RSF1: variants seen among roughly 807,000 people sequenced by gnomAD.
RSF1 encodes the protein remodeling and spacing factor 1.
A neutral mutation model predicts 145.2 loss-of-function variants in RSF1; 13 were observed. That is an observed-to-expected ratio of 0.09 (90% CI 0.06 to 0.14). The LOEUF (loss-of-function observed/expected upper bound fraction) is 0.14, where lower values mean the gene tolerates loss of function less well. Among genes scored for constraint, RSF1 ranks in the 10% least tolerant of loss-of-function variants. The pLI, the probability that RSF1 is intolerant of heterozygous loss-of-function variation, is 1.00. For missense variants in RSF1, 1,517 were observed against 1,718.2 expected, an observed-to-expected ratio of 0.88 and a Z score of 2.07; for synonymous variants, 577 against 592.6, an observed-to-expected ratio of 0.97 and a Z score of 0.38.
intron 5 of RSF1, among the ~76,000 whole-genome samples, chr11:77,719,441 A>C (rs1960894148): frequency 6.6e-6 from 1 of 152,212 alleles, no homozygotes; most frequent in Non-Finnish European, 1.5e-5. Flanking sequence ...CCGATTTTAG[A>C]GGACAAAAGA....
At chr11:77,792,477 G>C (rs1404526284) in intron 1 of RSF1, among the ~76,000 whole-genome samples, 1 of 152,078 alleles carries the variant, frequency 6.6e-6, no homozygotes, top group Non-Finnish European at 1.5e-5. Flanking sequence ...GTCACCCTGG[G>C]ACCAAAGACA....
chr11:77,692,649 G>A (rs2135841452), intron 8 of RSF1, among the ~76,000 whole-genome samples: 1 of 151,138 alleles, frequency 6.6e-6, no homozygotes, highest in East Asian at 2.0e-4. Flanking sequence ...AAGGAGCTGG[G>A]ACTATACCTA....
chr11:77,675,013 A>C (rs532301397), intron 14 of RSF1, 23 bp downstream of exon 14: 1 of 1,546,668 alleles, frequency 6.5e-7, no homozygotes, highest in Non-Finnish European at 8.8e-7. Flanking sequence ...TTGAGCTACC[A>C]TATGGTTACA....
At chr11:77,860,526 C>T in the RSF1 span, among the ~76,000 whole-genome samples, 1 of 152,156 alleles carries the variant, frequency 6.6e-6, no homozygotes. Flanking sequence ...AATTTAAGAG[C>T]GCTTGGGTGG....
chr11:77,792,285 C>A (rs1232522846), intron 1 of RSF1, among the ~76,000 whole-genome samples: 1 of 152,126 alleles, frequency 6.6e-6, no homozygotes, highest in Non-Finnish European at 1.5e-5. Context: ...CCCACCAAGT[C>A]CCTCCCACAA....
chr11:77,766,111 C>T (rs1291398070), intron 1 of RSF1, among the ~76,000 whole-genome samples: 2 of 151,750 alleles, frequency 1.3e-5, no homozygotes, highest in Non-Finnish European at 2.9e-5. Flanking sequence ...AGATCCCATA[C>T]TCAAATATAT....
chr11:77,755,986 A>G (rs1590869326), intron 2 of RSF1, among the ~76,000 whole-genome samples: 2 of 152,322 alleles, frequency 1.3e-5, no homozygotes, highest in Non-Finnish European at 2.9e-5. Flanking sequence ...TGAAAGACAT[A>G]CAAAGGTATT....
chr11:77,857,961 T>G, the RSF1 span, among the ~76,000 whole-genome samples: 1 of 152,146 alleles, frequency 6.6e-6, no homozygotes, highest in Non-Finnish European at 1.5e-5. Context: ...CCCAAAGTGC[T>G]GGGATTACAG....
chr11:77,764,728 T>A, intron 1 of RSF1, 39 bp from the exon 2 acceptor site: 1 of 1,182,934 alleles, frequency 8.5e-7, no homozygotes. Flanking sequence ...GCCAACAAAA[T>A]AAAACAATTC....
At chr11:77,836,407 A>G in the RSF1 span, among the ~76,000 whole-genome samples, 1 of 152,170 alleles carries the variant, frequency 6.6e-6, no homozygotes, top group African/African-American at 2.4e-5. Context: ...CCATGCAAGC[A>G]GAAAAAGCCA....
chr11:77,793,249 G>C (rs548380084), intron 1 of RSF1, among the ~76,000 whole-genome samples: 2 of 152,292 alleles, frequency 1.3e-5, no homozygotes, highest in African/African-American at 4.8e-5. Flanking sequence ...AGAGGCCAAG[G>C]TGAGAGGATC....
chr11:77,865,046 T>A, the RSF1 span, among the ~76,000 whole-genome samples: 1 of 152,202 alleles, frequency 6.6e-6, no homozygotes, highest in Non-Finnish European at 1.5e-5. Context: ...TGGACCCATA[T>A]AGTTGAATTC....
upstream of RSF1, chr11:77,820,868 A>G (rs1948868346): frequency 7.8e-6 from 6 of 767,306 alleles, no homozygotes; most frequent in Non-Finnish European, 1.0e-5. Context: ...CGATCCCACA[A>G]TACATCGGCG....
At chr11:77,694,461 T>C (rs1960234974) in intron 7 of RSF1, among the ~76,000 whole-genome samples, 1 of 152,202 alleles carries the variant, frequency 6.6e-6, no homozygotes, top group Non-Finnish European at 1.5e-5. Context: ...TTATAGTTGT[T>C]TTATCGGTAT....
chr11:77,713,698 G>C lies in RSF1; in HGVS notation c.734-11203C>G, dbSNP rs1201225904. 4.6e-5 allele frequency among the ~76,000 whole-genome samples: 7 copies of C among 151,870 alleles called. No individual in the cohort carries two copies. In the East Asian group the frequency reaches 1.4e-3, roughly 29 times the overall value. ...AATCCTTATATCCTATGTTTCTTTT[G>C]TTTTTTACAAATACCCTGTTTTCTA... is the stretch of plus-strand genomic sequence containing the variant. On this transcript the variant is annotated intron_variant, in intron 5 of 15. Transcript: ENST00000308488.
chr11:77,673,545 C>T (rs1257108903), intron 14 of RSF1, among the ~76,000 whole-genome samples: 1 of 152,084 alleles, frequency 6.6e-6, no homozygotes, highest in Non-Finnish European at 1.5e-5. Context: ...TAAGAATCCA[C>T]GAGTTTACAC....
rs1959246329 is a variant in RSF1 at position 77,662,186 on chromosome 11, C to A, written c.*4731G>T. On this transcript the variant is annotated 3_prime_UTR_variant, in exon 16 of 16. Coordinates refer to ENST00000308488, the MANE Select transcript of RSF1 (RefSeq NM_016578.4). ...TCTATTGTTATGCCCTCTTATATAA[C>A]TTATGTATAGGATAGTCATATTTTA... 1 of 151,930 alleles carries A rather than the reference C, an allele frequency of 6.6e-6. No homozygotes were observed. Among genetic ancestry groups the A allele is most frequent in the African/African-American group, 2.4e-5 (1 of 41,346 alleles). 9.4% of individuals were successfully genotyped at this position (151,930 alleles called of 1,614,324 possible).
At chr11:77,814,396 G>A (rs532437182) in intron 1 of RSF1, among the ~76,000 whole-genome samples, 13 of 152,126 alleles carry the variant, frequency 8.5e-5, no homozygotes, top group African/African-American at 2.7e-4. Context: ...CCAACTACTC[G>A]GGAGGTTGGG....
chr11:77,871,204 G>C, the RSF1 span, among the ~76,000 whole-genome samples: 3 of 152,096 alleles, frequency 2.0e-5, no homozygotes, highest in African/African-American at 7.2e-5. Context: ...AGAAAATATA[G>C]GGCATATTAA....
Sources: allele counts gnomAD v4.1 joint callset (sites outside exome capture counted in the v4.1 genomes callset), GRCh38; gene constraint gnomAD v4.1.1; transcripts MANE v1.5; gene names NCBI Gene and HGNC (gene_info 2026-07-23, HGNC 2026-07-21).